Variants in CRPPA observed in about 807,000 individuals in gnomAD.
The protein encoded by CRPPA is D-ribitol-5-phosphate cytidylyltransferase.
Under a neutral mutation model 52.0 loss-of-function variants are expected in CRPPA, and 43 were observed. The ratio of observed to expected loss-of-function variants is 0.83; its 90% CI spans 0.65 to 1.07. The LOEUF (loss-of-function observed/expected upper bound fraction) is 1.07, where lower values mean the gene tolerates loss of function less well. CRPPA is among the 50% of genes least tolerant of loss of function. The probability of loss-of-function intolerance (pLI) is 0.00; values close to 1 mark genes in which losing one functional copy is unlikely to be tolerated. For missense variants in CRPPA, 629 were observed against 551.7 expected, an observed-to-expected ratio of 1.14 and a Z score of -1.40; for synonymous variants, 250 against 203.5, an observed-to-expected ratio of 1.23 and a Z score of -1.94.
intron 9 of CRPPA, chr7:16,210,416 T>C (rs1190781287): frequency 6.6e-6 from 1 of 152,114 alleles, no homozygotes; most frequent in Non-Finnish European, 1.5e-5. Context: ...GCAAAGGGGA[T>C]GGGATGTCAG....
chr7:16,403,869 C>T (rs1043010522), intron 2 of CRPPA, among the ~76,000 whole-genome samples: 10 of 152,126 alleles, frequency 6.6e-5, no homozygotes, highest in Non-Finnish European at 1.5e-4. Context: ...TCTTTTACAG[C>T]TTTCAAAGTT....
At chr7:16,272,956 CTTTT>C (rs11360688) in intron 6 of CRPPA, among the ~76,000 whole-genome samples, 5 of 147,460 alleles carry the variant, frequency 3.4e-5, no homozygotes, top group Admixed American at 3.4e-4. Flanking sequence ...TCCTTTGTCG[CTTTT>C]TTTTTTATTT....
At chr7:16,359,047 T>C (rs560019731) in intron 3 of CRPPA, among the ~76,000 whole-genome samples, 1 of 152,380 alleles carries the variant, frequency 6.6e-6, no homozygotes, top group African/African-American at 2.4e-5. Flanking sequence ...ATTTCAGACC[T>C]GACTAATTTC....
rs1785994771 is a variant in CRPPA at position 16,345,643 on chromosome 7, T to A, written c.684+30449A>T. Among the ~76,000 whole-genome samples the A allele has an allele frequency of 2.0e-5, 3 of 152,110 alleles. No individual in the cohort carries two copies. In the South Asian group the frequency reaches 6.2e-4, roughly 32 times the overall value. On this transcript the variant is annotated intron_variant, in intron 3 of 9. Coordinates refer to ENST00000407010, the MANE Select transcript of CRPPA (RefSeq NM_001101426.4). ...TATTGTTTAATGAAAAAATGAACTTTTATGCTAAAAATTTTCAGTTAAAAA... is the reference window on the plus strand; with the variant it reads ...TATTGTTTAATGAAAAAATGAACTTATATGCTAAAAATTTTCAGTTAAAAA...
At chr7:16,233,703 A>G (rs1412738943) in intron 8 of CRPPA, among the ~76,000 whole-genome samples, 1 of 152,194 alleles carries the variant, frequency 6.6e-6, no homozygotes, top group Non-Finnish European at 1.5e-5. Context: ...TGTTTGGCAC[A>G]TGCTTTCATA....
At chr7:16,185,869 T>C (rs186421062) in intron 9 of CRPPA, among the ~76,000 whole-genome samples, 1 of 152,316 alleles carries the variant, frequency 6.6e-6, no homozygotes, top group East Asian at 1.9e-4. Flanking sequence ...AGGAGGCAAC[T>C]GTAAAAGAAC....
At chr7:16,239,153 A>AAAAAAAAAAAAC (rs1431467364) in intron 8 of CRPPA, among the ~76,000 whole-genome samples, 1 of 151,090 alleles carries the variant, frequency 6.6e-6, no homozygotes, top group Non-Finnish European at 1.5e-5. Flanking sequence ...AAAAAAAAAA[A>AAAAAAAAAAAAC]AAAAGCCATT....
intron 3 of CRPPA, among the ~76,000 whole-genome samples, chr7:16,308,986 T>C (rs1430377184): frequency 1.3e-5 from 2 of 152,206 alleles, no homozygotes; most frequent in Non-Finnish European, 2.9e-5. Flanking sequence ...AGGATTATCA[T>C]ATCTTAACTG....
In CRPPA at chr7:16,166,430, T is replaced by C. The variant is rs535564946; in HGVS notation, c.1251+49636A>G. Among the ~76,000 whole-genome samples the C allele has an allele frequency of 4.6e-5, 7 of 151,920 alleles. No individual in the cohort carries two copies. The South Asian group carries it at 1.5e-3, about 32-fold the overall frequency. On this transcript the variant is annotated intron_variant, in intron 9 of 9. Transcript: ENST00000407010. ...AGGTAGCTGGGATTACAGGCTGGCA[T>C]CACCACGCCCAGCTAATATTTGTAT...
chr7:16,178,559 A>C (rs1359230523), intron 9 of CRPPA, among the ~76,000 whole-genome samples: 1 of 152,144 alleles, frequency 6.6e-6, no homozygotes, highest in African/African-American at 2.4e-5. Flanking sequence ...AAAACGTTTT[A>C]TCCTCTGAAC....
At chr7:16,366,534 G>A (rs984007404) in intron 3 of CRPPA, among the ~76,000 whole-genome samples, 2 of 152,044 alleles carry the variant, frequency 1.3e-5, no homozygotes, top group African/African-American at 4.8e-5. Flanking sequence ...TACAGAACTA[G>A]AATCACTTCT....
chr7:16,369,807 A>C (rs1429141020), intron 3 of CRPPA, among the ~76,000 whole-genome samples: 1 of 152,188 alleles, frequency 6.6e-6, no homozygotes, highest in Non-Finnish European at 1.5e-5. Flanking sequence ...CTTAACAGGA[A>C]AAATACAAAA....
At position 16,087,805 on chromosome 7, in the gene CRPPA, C is replaced by T. The variant is rs907489930; in HGVS notation, c.*3890G>A. The T allele has an allele frequency of 1.3e-5, 2 of 152,036 alleles. No homozygotes were observed. Among genetic ancestry groups the T allele is most frequent in the Admixed American group, 6.6e-5 (1 of 15,266 alleles). 9.4% of individuals were successfully genotyped at this position (152,036 alleles called of 1,614,324 possible). ...ATTAAACTTTCTAAATAACTTCTAT[C>T]TTTCTTCTTGCATATGGTTGACATT... is the stretch of plus-strand genomic sequence containing the variant. On this transcript the variant is annotated 3_prime_UTR_variant, in exon 10 of 10. Coordinates refer to ENST00000407010, the MANE Select transcript of CRPPA (RefSeq NM_001101426.4).
chr7:16,397,617 G>A (rs1372691787), intron 2 of CRPPA, among the ~76,000 whole-genome samples: 2 of 152,140 alleles, frequency 1.3e-5, no homozygotes, highest in Non-Finnish European at 2.9e-5. Flanking sequence ...CACGTGACAC[G>A]TGACCAACAC....
rs145192932 is a variant in CRPPA, at chr7:16,099,639, C to T, written c.1252-7840G>A. On this transcript the variant is annotated intron_variant, in intron 9 of 9. Transcript: ENST00000407010. The stretch of plus-strand genomic sequence containing the variant: ...AAGACACAAACTACAGTGCTCAGAG[C>T]CAGATTGCAGTGAGGAAAAATGTAG... 6.7e-3 allele frequency among the ~76,000 whole-genome samples: 1,023 copies of T among 152,190 alleles called. 9 individuals are homozygous for T. Among genetic ancestry groups the T allele is most frequent in the Middle Eastern group, 0.017 (5 of 294 alleles).
At chr7:16,341,335 A>G (rs1785822979) in intron 3 of CRPPA, among the ~76,000 whole-genome samples, 1 of 152,066 alleles carries the variant, frequency 6.6e-6, no homozygotes, top group Non-Finnish European at 1.5e-5. Context: ...ATCATGGGAA[A>G]GGCTATGCAC....
intron 5 of CRPPA, among the ~76,000 whole-genome samples, chr7:16,283,127 T>G (rs1025573264): frequency 6.6e-6 from 1 of 151,882 alleles, no homozygotes; most frequent in Non-Finnish European, 1.5e-5. Context: ...TGCACTGATT[T>G]TTTATGATGT....
chr7:16,176,269 G>C (rs1781294591), intron 9 of CRPPA, among the ~76,000 whole-genome samples: 1 of 152,088 alleles, frequency 6.6e-6, no homozygotes, highest in Non-Finnish European at 1.5e-5. Flanking sequence ...TAATATCCTA[G>C]AGGAAATTAT....
rs1354126469 is a variant in CRPPA, at chr7:16,254,846, A to AAAGG, written c.1119+3543_1119+3544insCCTT. Among the ~76,000 whole-genome samples the AAAGG allele has an allele frequency of 1.3e-4, 18 of 138,614 alleles. 1 individual carries two copies. The highest frequency in any genetic ancestry group is 2.5e-4 in the Non-Finnish European group (16 of 63,468). The allele number at this position is 138,614 out of a possible 152,430, so 90.9% of individuals were successfully genotyped here. ...GAAAGAAAGAAAGAAAGAAAGAAAG[A>AAAGG]GAAAGAAGAAAGAAAGAAAGAAAGA... On this transcript the variant is annotated intron_variant, in intron 8 of 9. Transcript: ENST00000407010.
Sources: allele counts gnomAD v4.1 joint callset (sites outside exome capture counted in the v4.1 genomes callset), GRCh38; gene constraint gnomAD v4.1.1; transcripts MANE v1.5; gene names NCBI Gene and HGNC (gene_info 2026-07-23, HGNC 2026-07-21).